Variants in KCNJ15 observed in about 807,000 individuals in gnomAD.
The protein encoded by KCNJ15 is potassium inwardly rectifying channel subfamily J member 15, also known as ATP-sensitive inward rectifier potassium channel 15.
A neutral mutation model predicts 23.0 loss-of-function variants in KCNJ15; 14 were observed. The observed-to-expected ratio is 0.61, with a 90% confidence interval of 0.40 to 0.95. The LOEUF (loss-of-function observed/expected upper bound fraction) is 0.95. KCNJ15 is among the 40% of genes least tolerant of loss of function. KCNJ15 has a pLI of 0.00. For missense variants in KCNJ15, 388 were observed against 461.8 expected (o/e 0.84, Z 1.46); for synonymous variants, 185 against 183.2 (o/e 1.01, Z -0.08).
upstream of KCNJ15, among the ~76,000 whole-genome samples, chr21:38,251,913 T>C (rs972626345): frequency 4.6e-5 from 7 of 152,324 alleles, no homozygotes; most frequent in South Asian, 1.5e-3. Flanking sequence ...TTAAGAAGAA[T>C]GTGGATAAAA....
At chr21:38,288,018 GT>G (rs1395005811) in intron 1 of KCNJ15, among the ~76,000 whole-genome samples, 5 of 26,018 alleles carry the variant, frequency 1.9e-4, no homozygotes, top group African/African-American at 3.8e-4. Flanking sequence ...TAAATAACTT[GT>G]TTTTTTCTTT....
intron 1 of KCNJ15, among the ~76,000 whole-genome samples, chr21:38,281,196 A>G (rs1378135138): frequency 6.6e-6 from 1 of 152,222 alleles, no homozygotes; most frequent in Non-Finnish European, 1.5e-5. Context: ...AGCCTCTCGC[A>G]GCACACACAA....
chr21:38,232,047 T>G (rs867748689), intron 1 of KCNJ15, among the ~76,000 whole-genome samples: 18 of 151,936 alleles, frequency 1.2e-4, no homozygotes, highest in Middle Eastern at 3.4e-3. Flanking sequence ...TAAATAATGA[T>G]TCTTTAAATA....
intron 1 of KCNJ15, chr21:38,272,372 C>T (rs1982198546): frequency 6.6e-6 from 1 of 152,402 alleles, no homozygotes; most frequent in South Asian, 2.1e-4. Flanking sequence ...GAATGCTCAG[C>T]TTCTGCAAGC....
intron 1 of KCNJ15, among the ~76,000 whole-genome samples, chr21:38,243,662 T>C (rs1979163944): frequency 6.6e-6 from 1 of 152,236 alleles, no homozygotes; most frequent in South Asian, 2.1e-4. Flanking sequence ...CCTCAGGTGA[T>C]CTGCCCGCCT....
At position 38,300,405 on chromosome 21, in the gene KCNJ15, C is replaced by A. The variant is rs1205493437; in HGVS notation, c.*16C>A. The A allele has an allele frequency of 1.4e-5, 22 of 1,578,326 alleles. No individual in the cohort carries two copies. The highest frequency in any genetic ancestry group is 1.6e-5 in the Non-Finnish European group (19 of 1,161,138). On this transcript the variant is annotated 3_prime_UTR_variant, in exon 3 of 3. Transcript: ENST00000398938. ...CAATGTCTGATCACAGGGGCGCCAT[C>A]CAGGTTTAACCCTGCAAGCTGTTTC...
intron 1 of KCNJ15, among the ~76,000 whole-genome samples, chr21:38,282,336 A>G (rs912788631): frequency 2.0e-5 from 3 of 152,154 alleles, no homozygotes; most frequent in Non-Finnish European, 4.4e-5. Flanking sequence ...TTTGTCTATG[A>G]TGGTCAGTGT....
At chr21:38,290,621 C>T (rs1984499941) in intron 1 of KCNJ15, among the ~76,000 whole-genome samples, 1 of 152,136 alleles carries the variant, frequency 6.6e-6, no homozygotes, top group Non-Finnish European at 1.5e-5. Flanking sequence ...AAGACAGGTT[C>T]TTGGGAACTG....
At chr21:38,263,602 A>G (rs1474780932) in intron 1 of KCNJ15, among the ~76,000 whole-genome samples, 1 of 152,160 alleles carries the variant, frequency 6.6e-6, no homozygotes, top group African/African-American at 2.4e-5. Context: ...CCCTGACCAC[A>G]ACTATGATTC....
At chr21:38,282,259 G>C (rs1194578305) in intron 1 of KCNJ15, among the ~76,000 whole-genome samples, 1 of 152,092 alleles carries the variant, frequency 6.6e-6, no homozygotes, top group Admixed American at 6.5e-5. Flanking sequence ...TTGGGTTACT[G>C]GTGTACCCCA....
upstream of KCNJ15, among the ~76,000 whole-genome samples, chr21:38,255,925 G>A (rs990645851): frequency 1.4e-4 from 22 of 152,180 alleles, no homozygotes; most frequent in African/African-American, 4.6e-4. Context: ...GGACGTGTGG[G>A]TATATCATCG....
intron 1 of KCNJ15, among the ~76,000 whole-genome samples, chr21:38,235,136 C>T (rs1169594542): frequency 2.0e-5 from 3 of 152,168 alleles, no homozygotes; most frequent in Non-Finnish European, 4.4e-5. Flanking sequence ...GACACAGAAA[C>T]GTTGCACTCT....
At chr21:38,232,483 C>T (rs775139800) in intron 1 of KCNJ15, among the ~76,000 whole-genome samples, 12 of 151,610 alleles carry the variant, frequency 7.9e-5, no homozygotes, top group Non-Finnish European at 1.3e-4. Context: ...CTTTCTTATG[C>T]TTACTTTAGG....
At chr21:38,244,381 G>T (rs1979224409) in intron 1 of KCNJ15, among the ~76,000 whole-genome samples, 1 of 152,190 alleles carries the variant, frequency 6.6e-6, no homozygotes, top group African/African-American at 2.4e-5. Context: ...TACCAGGGAA[G>T]CAGGGACCAC....
intron 1 of KCNJ15, among the ~76,000 whole-genome samples, chr21:38,280,253 A>G (rs1601208980): frequency 6.6e-6 from 1 of 152,314 alleles, no homozygotes; most frequent in African/African-American, 2.4e-5. Flanking sequence ...ATTTGCAGCC[A>G]CTGTTGCACA....
At chr21:38,275,807 T>G (rs1469310264) in intron 1 of KCNJ15, among the ~76,000 whole-genome samples, 2 of 152,204 alleles carry the variant, frequency 1.3e-5, no homozygotes, top group Non-Finnish European at 2.9e-5. Flanking sequence ...ACCCCATAGT[T>G]TTGCCTGGGC....
intron 1 of KCNJ15, among the ~76,000 whole-genome samples, chr21:38,249,302 G>T (rs1365557231): frequency 6.6e-6 from 1 of 152,180 alleles, no homozygotes; most frequent in Non-Finnish European, 1.5e-5. Context: ...TTTCTGATGT[G>T]CGTACTAGGT....
intron 1 of KCNJ15, among the ~76,000 whole-genome samples, chr21:38,282,460 T>C (rs1983455478): frequency 1.3e-5 from 2 of 152,178 alleles, no homozygotes; most frequent in South Asian, 4.1e-4. Context: ...ACAACTAATT[T>C]TCTCTTCAAG....
intron 1 of KCNJ15, among the ~76,000 whole-genome samples, chr21:38,270,672 C>T (rs971807230): frequency 2.6e-5 from 4 of 152,068 alleles, no homozygotes; most frequent in African/African-American, 9.7e-5. Context: ...ATGCCCAACA[C>T]GAAGTTGAAC....
Sources: gnomAD v4.1 joint callset for allele counts (sites outside exome capture counted in the v4.1 genomes callset) on GRCh38, gnomAD v4.1.1 for gene constraint, MANE v1.5 for transcripts, NCBI Gene and HGNC (gene_info 2026-07-23, HGNC 2026-07-21) for gene names.